CACNG2: variants seen among roughly 807,000 people sequenced by gnomAD.
CACNG2 encodes calcium voltage-gated channel auxiliary subunit gamma 2.
CACNG2 carries 3 observed loss-of-function variants against 25.9 expected under a neutral mutation model. That is an observed-to-expected ratio of 0.12 (90% CI 0.05 to 0.30). CACNG2 has a LOEUF of 0.30. Ranked by LOEUF, CACNG2 falls within the 10% of genes least tolerant of loss-of-function variation. The pLI is 1.00. For synonymous variants in CACNG2, 167 were observed against 173.3 expected, an observed-to-expected ratio of 0.96 and a Z score of 0.29; for missense variants, 341 against 432.5, an observed-to-expected ratio of 0.79 and a Z score of 1.88.
chr22:36,702,319 G>A, intron 1 of CACNG2, 47 bp downstream of exon 1: 1 of 1,299,870 alleles, frequency 7.7e-7, no homozygotes, highest in Non-Finnish European at 1.1e-6. Context: ...GGGAGTGAAA[G>A]GGGAGGGGTG....
Position 36,576,112 on chromosome 22 carries a change from C to T in CACNG2, c.296-9619G>A, listed in dbSNP as rs190470944. On this transcript the variant is annotated intron_variant, in intron 2 of 3. Coordinates refer to ENST00000300105, the MANE Select transcript of CACNG2 (RefSeq NM_006078.5). Reference sequence around the variant, plus strand: ...TTTATAGCAGTACAATTTGCAAGTGCAAAATTGTGGAACCAACCCAAATAC... The same window carrying T: ...TTTATAGCAGTACAATTTGCAAGTGTAAAATTGTGGAACCAACCCAAATAC... Among the ~76,000 whole-genome samples the T allele has an allele frequency of 1.5e-3, 224 of 152,300 alleles. 1 individual carries two copies. The highest frequency in any genetic ancestry group is 3.7e-3 in the South Asian group (18 of 4,828).
chr22:36,634,444 T>C (rs1472456577), intron 1 of CACNG2, among the ~76,000 whole-genome samples: 4 of 152,236 alleles, frequency 2.6e-5, no homozygotes, highest in Admixed American at 1.3e-4. Flanking sequence ...GAATCAATAC[T>C]TGGAGGAGAG....
chr22:36,694,305 G>C (rs1937305035), intron 1 of CACNG2, among the ~76,000 whole-genome samples: 1 of 152,168 alleles, frequency 6.6e-6, no homozygotes, highest in South Asian at 2.1e-4. Context: ...TTGGTAGACA[G>C]GTCATTTTAC....
At chr22:36,625,269 C>T (rs1033740833) in intron 1 of CACNG2, among the ~76,000 whole-genome samples, 4 of 152,162 alleles carry the variant, frequency 2.6e-5, no homozygotes, top group African/African-American at 9.7e-5. Flanking sequence ...CACTAACTTG[C>T]TGTGTGACCT....
chr22:36,627,371 G>A (rs919353938), intron 1 of CACNG2, among the ~76,000 whole-genome samples: 3 of 151,734 alleles, frequency 2.0e-5, no homozygotes, highest in Admixed American at 6.6e-5. Flanking sequence ...ATAATTAGGT[G>A]TTGTTTGGTT....
intron 2 of CACNG2, chr22:36,585,011 C>G (rs981959555): frequency 3.3e-5 from 5 of 152,302 alleles, no homozygotes; most frequent in Non-Finnish European, 5.9e-5. Flanking sequence ...CTGTTTTCCT[C>G]TGGAAGCCTG....
intron 1 of CACNG2, among the ~76,000 whole-genome samples, chr22:36,642,620 G>A (rs1248197268): frequency 6.6e-6 from 1 of 152,192 alleles, no homozygotes; most frequent in African/African-American, 2.4e-5. Flanking sequence ...TTTCGAGATT[G>A]GTTATTTTGA....
intron 1 of CACNG2, among the ~76,000 whole-genome samples, chr22:36,680,494 A>G (rs1347153394): frequency 7.0e-6 from 1 of 141,890 alleles, no homozygotes; most frequent in East Asian, 2.2e-4. Flanking sequence ...AGTCATTATT[A>G]CCACCATCAA....
At position 36,637,334 on chromosome 22, in the gene CACNG2, A is replaced by T. The variant is rs1936372183; in HGVS notation, c.212-49786T>A. Reference sequence around the variant, plus strand: ...TGGTAATTGAGTTACTGTTCAAGTGATGAGAGACTGTGGCCACTGACGAGT... The same window carrying T: ...TGGTAATTGAGTTACTGTTCAAGTGTTGAGAGACTGTGGCCACTGACGAGT... On this transcript the variant is annotated intron_variant, in intron 1 of 3. Transcript: ENST00000300105. Among the ~76,000 whole-genome samples the T allele has an allele frequency of 2.0e-5, 3 of 152,230 alleles. No individual in the cohort carries two copies. In the South Asian group the frequency reaches 6.2e-4, roughly 31 times the overall value.
chr22:36,584,281 A>G (rs948705389), intron 2 of CACNG2, among the ~76,000 whole-genome samples: 3 of 152,176 alleles, frequency 2.0e-5, no homozygotes, highest in Admixed American at 6.5e-5. Context: ...GTGAAACCCC[A>G]TCTTTACTAA....
intron 1 of CACNG2, among the ~76,000 whole-genome samples, chr22:36,614,888 G>A (rs1356271957): frequency 6.6e-6 from 1 of 152,200 alleles, no homozygotes; most frequent in Non-Finnish European, 1.5e-5. Flanking sequence ...TACTGCACAT[G>A]GAGAAAGAAG....
intron 1 of CACNG2, among the ~76,000 whole-genome samples, chr22:36,675,583 A>G (rs1227263638): frequency 6.6e-6 from 1 of 152,238 alleles, no homozygotes; most frequent in Non-Finnish European, 1.5e-5. Flanking sequence ...GTCCCATTCA[A>G]CAGCCACAGA....
chr22:36,637,550 G>T (rs1211489593), intron 1 of CACNG2, among the ~76,000 whole-genome samples: 1 of 152,078 alleles, frequency 6.6e-6, no homozygotes, highest in African/African-American at 2.4e-5. Context: ...GGGAGGTTGG[G>T]TTGTTTGGAG....
intron 1 of CACNG2, among the ~76,000 whole-genome samples, chr22:36,609,963 G>A (rs1374854169): frequency 6.6e-6 from 1 of 151,444 alleles, no homozygotes; most frequent in Non-Finnish European, 1.5e-5. Context: ...GCCCCCCAGA[G>A]CGTGACCGGG....
intron 2 of CACNG2, among the ~76,000 whole-genome samples, chr22:36,571,995 C>T (rs936963316): frequency 2.0e-5 from 3 of 151,952 alleles, no homozygotes; most frequent in Admixed American, 1.3e-4. Flanking sequence ...CTTCCCAAAA[C>T]ATCAGTCCAG....
chr22:36,665,345 A>T (rs1601444298), intron 1 of CACNG2, among the ~76,000 whole-genome samples: 2 of 152,112 alleles, frequency 1.3e-5, no homozygotes, highest in African/African-American at 4.8e-5. Flanking sequence ...CCTCATCTCC[A>T]AGTGCGGATT....
chr22:36,571,656 C>T (rs1182433708), intron 2 of CACNG2, among the ~76,000 whole-genome samples: 1 of 151,938 alleles, frequency 6.6e-6, no homozygotes, highest in East Asian at 1.9e-4. Context: ...GCTGGTGGAT[C>T]ACTTGAGGTC....
intron 2 of CACNG2, among the ~76,000 whole-genome samples, chr22:36,578,209 T>A (rs1166060722): frequency 1.3e-5 from 2 of 151,250 alleles, no homozygotes; most frequent in Admixed American, 1.3e-4. Context: ...TAAAAAAAAA[T>A]ACAAAAAATT....
At chr22:36,595,153 G>A (rs530154387) in intron 1 of CACNG2, among the ~76,000 whole-genome samples, 62 of 151,770 alleles carry the variant, frequency 4.1e-4, no homozygotes, top group South Asian at 1.0e-3. Flanking sequence ...GTGTGTAGGC[G>A]TGATGAGGAA....
Sources: allele counts gnomAD v4.1 joint callset (sites outside exome capture counted in the v4.1 genomes callset), GRCh38; gene constraint gnomAD v4.1.1; transcripts MANE v1.5; gene names NCBI Gene and HGNC (gene_info 2026-07-23, HGNC 2026-07-21).